PRKDC: variants seen among roughly 807,000 people sequenced by gnomAD.
The protein encoded by PRKDC is DNA-dependent protein kinase catalytic subunit.
In PRKDC, 82 loss-of-function variants were observed where a neutral mutation model predicts 486.9. The ratio of observed to expected loss-of-function variants is 0.17; its 90% CI spans 0.14 to 0.20. The LOEUF is 0.20. PRKDC is among the 10% of genes least tolerant of loss of function. The pLI, the probability that PRKDC is intolerant of heterozygous loss-of-function variation, is 1.00. For synonymous variants in PRKDC, 1,895 were observed against 1,837.0 expected (o/e 1.03, Z -0.81); for missense variants, 4,504 against 5,038.2 (o/e 0.89, Z 3.21).
intron 21 of PRKDC, chr8:47,926,907 G>C (rs2090166090): frequency 3.5e-6 from 1 of 282,020 alleles, no homozygotes; most frequent in African/African-American, 2.2e-5. Flanking sequence ...CAGTGTATTA[G>C]GAGTCATAAA....
chr8:47,826,226 C>A (rs1472221219), intron 63 of PRKDC, among the ~76,000 whole-genome samples: 1 of 152,226 alleles, frequency 6.6e-6, no homozygotes, highest in Non-Finnish European at 1.5e-5. Flanking sequence ...AAAATGGAAT[C>A]TGTTTATCCC....
chr8:47,848,656 A>G (rs918486985), intron 54 of PRKDC, among the ~76,000 whole-genome samples: 1 of 152,010 alleles, frequency 6.6e-6, no homozygotes, highest in Non-Finnish European at 1.5e-5. Context: ...AAAAAATGAA[A>G]AAAAAAAAAA....
intron 39 of PRKDC, 27 bp downstream of exon 39, chr8:47,879,464 T>C: frequency 6.6e-7 from 1 of 1,510,184 alleles, no homozygotes; most frequent in Non-Finnish European, 8.9e-7. Context: ...AGTGTTTTAA[T>C]TTTACTTGAT....
intron 3 of PRKDC, among the ~76,000 whole-genome samples, chr8:47,956,952 G>A (rs1419936341): frequency 6.1e-5 from 5 of 81,620 alleles, no homozygotes; most frequent in Admixed American, 1.9e-4. Context: ...AATAACTAAT[G>A]GGCAACAAGA....
rs377170693 is a variant in PRKDC at position 47,834,356 on chromosome 8, A to G, written c.7992T>C (p.Thr2664=). 4 of 1,613,852 alleles carry G rather than the reference A, an allele frequency of 2.5e-6. No homozygotes were observed. The highest frequency in any genetic ancestry group is 3.3e-5 in the Admixed American group (2 of 60,008). Reference sequence around the variant, plus strand: ...GACTGGTGTGGTCGACCAGCGGGTCAGTGCTGCTCCCGGTCAGCCAATCAA... The same window carrying G: ...GACTGGTGTGGTCGACCAGCGGGTCGGTGCTGCTCCCGGTCAGCCAATCAA... The part of the protein sequence containing the change: ...SSFDWLTGSS[T]DPLVDHTSPS... The change falls in exon 59 of 86, where the codon ACT becomes ACC. Residue 2664 remains threonine, a synonymous_variant. Transcript: ENST00000314191.
chr8:47,937,304 T>C (rs750027561), intron 11 of PRKDC, among the ~76,000 whole-genome samples: 1 of 152,256 alleles, frequency 6.6e-6, no homozygotes, highest in East Asian at 1.9e-4. Context: ...TAAAGATGCT[T>C]TGTATAATAA....
chr8:47,796,562 T>C (rs1220282315), intron 73 of PRKDC, among the ~76,000 whole-genome samples: 3 of 151,436 alleles, frequency 2.0e-5, no homozygotes, highest in Admixed American at 2.0e-4. Context: ...TTTTGTTTCT[T>C]ATATGTGTTG....
intron 34 of PRKDC, among the ~76,000 whole-genome samples, chr8:47,888,200 T>G (rs1451762452): frequency 1.3e-5 from 2 of 152,190 alleles, no homozygotes. Context: ...CTATGCTAGA[T>G]TCTTCATTTG....
intron 33 of PRKDC, 66 bp downstream of exon 33, chr8:47,888,948 C>A: frequency 6.8e-7 from 1 of 1,480,854 alleles, no homozygotes; most frequent in South Asian, 1.2e-5. Context: ...GCTGCAGGAG[C>A]ACGGCAACAT....
intron 76 of PRKDC, among the ~76,000 whole-genome samples, chr8:47,787,502 C>T (rs760612474): frequency 6.6e-6 from 1 of 152,180 alleles, no homozygotes; most frequent in Non-Finnish European, 1.5e-5. Flanking sequence ...ATTCTTTGAA[C>T]GAATGCAAGT....
Position 47,944,008 on chromosome 8 carries a change from A to T in PRKDC, c.743T>A (p.Ile248Asn). The T allele has an allele frequency of 6.4e-7, 1 of 1,564,046 alleles. No individual in the cohort carries two copies. Among genetic ancestry groups the T allele is most frequent in the Non-Finnish European group, 8.7e-7 (1 of 1,153,164 alleles). The stretch of plus-strand genomic sequence containing the variant: ...AATTGCCTTTAGTACAAAATTAAAA[A>T]TCTCCCTTGAAGTCTGGGGATCTAG... Reference protein sequence around the residue: ...MEEDPQTSREIFNFVLKAIRP... With the variant: ...MEEDPQTSRENFNFVLKAIRP... The change falls in exon 8 of 86, where the codon ATT becomes AAT. Residue 248 changes from isoleucine to asparagine, a missense_variant. Coordinates refer to ENST00000314191, the MANE Select transcript of PRKDC (RefSeq NM_006904.7).
At chr8:47,838,337 C>T (rs553988751) in intron 56 of PRKDC, among the ~76,000 whole-genome samples, 1 of 152,224 alleles carries the variant, frequency 6.6e-6, no homozygotes, top group South Asian at 2.1e-4. Flanking sequence ...TATATTGAGG[C>T]TGGGTGCAGT....
chr8:47,830,478 T>C (rs1298537867), intron 61 of PRKDC, 127 bp downstream of exon 61: 54 of 1,314,482 alleles, frequency 4.1e-5, no homozygotes, highest in East Asian at 1.2e-4. Flanking sequence ...AAGTCCACCG[T>C]TGAGGACAAA....
At chr8:47,934,862 T>C (rs569953802) in intron 14 of PRKDC, 147 bp downstream of exon 14, 12 of 539,308 alleles carry the variant, frequency 2.2e-5, no homozygotes, top group African/African-American at 9.7e-5. Flanking sequence ...AGAGGTATTA[T>C]GTCCTACACT....
At chr8:47,935,161 A>C in intron 13 of PRKDC, 103 bp from the exon 14 acceptor site, 1 of 785,640 alleles carries the variant, frequency 1.3e-6, no homozygotes, top group Non-Finnish European at 2.0e-6. Context: ...ACCCAACTTT[A>C]CCTCTCAATT....
chr8:47,849,913 T>TA (rs1483168188), intron 52 of PRKDC, among the ~76,000 whole-genome samples: 1 of 152,240 alleles, frequency 6.6e-6, no homozygotes, highest in Non-Finnish European at 1.5e-5. Flanking sequence ...AGATTTCTGA[T>TA]AAAAAATATT....
At chr8:47,887,093 C>T (rs2089351559) in intron 35 of PRKDC, among the ~76,000 whole-genome samples, 2 of 152,194 alleles carry the variant, frequency 1.3e-5, no homozygotes, top group African/African-American at 2.4e-5. Context: ...AGAGGGCTGG[C>T]TGCAGATTTC....
Position 47,936,346 on chromosome 8 carries a change from C to T in PRKDC, c.1278+7G>A, listed in dbSNP as rs2090351419. On this transcript the variant is annotated splice_region_variant and intron_variant, in intron 12 of 85. Coordinates refer to ENST00000314191, the MANE Select transcript of PRKDC (RefSeq NM_006904.7). ...ACTTAAAATTGTGCTCAGTTTAGTTCACTTACTGTGTCAAGGTACAGCAAG... is the reference window on the plus strand; with the variant it reads ...ACTTAAAATTGTGCTCAGTTTAGTTTACTTACTGTGTCAAGGTACAGCAAG... 6.2e-7 allele frequency: 1 copy of T among 1,601,266 alleles called. No homozygotes were observed. Among genetic ancestry groups the T allele is most frequent in the Non-Finnish European group, 8.5e-7 (1 of 1,173,470 alleles).
intron 22 of PRKDC, among the ~76,000 whole-genome samples, chr8:47,917,031 G>A (rs938448593): frequency 2.0e-5 from 3 of 152,044 alleles, no homozygotes; most frequent in Admixed American, 6.5e-5. Context: ...TGAGGTGGGC[G>A]GATTGCTTAA....
Sources: allele counts gnomAD v4.1 joint callset (sites outside exome capture counted in the v4.1 genomes callset), GRCh38; gene constraint gnomAD v4.1.1; transcripts MANE v1.5; gene names NCBI Gene and HGNC (gene_info 2026-07-23, HGNC 2026-07-21).